The following STEAP3 variants were observed in gnomAD, a reference collection of about 807,000 sequenced individuals.
The protein encoded by STEAP3 is STEAP3 metalloreductase, also known as metalloreductase STEAP3.
In STEAP3, 35 loss-of-function variants were observed where a neutral mutation model predicts 34.9. The ratio of observed to expected loss-of-function variants is 1.00; its 90% CI spans 0.76 to 1.33. The LOEUF is 1.33. STEAP3 is among the 40% of genes most tolerant of loss of function. The pLI, the probability that STEAP3 is intolerant of heterozygous loss-of-function variation, is 0.00. For synonymous variants in STEAP3, 281 were observed against 301.6 expected (o/e 0.93, Z 0.71); for missense variants, 652 against 667.6 (o/e 0.98, Z 0.26).
Position 119,248,272 on chromosome 2 carries a change from C to T in STEAP3, c.1050+66C>T, listed in dbSNP as rs1530524. The T allele has an allele frequency of 2.2e-3, 3,261 of 1,491,964 alleles. 47 individuals carry two copies. In the African/African-American group the frequency reaches 0.034, roughly 16 times the overall value. The allele number at this position is 1,491,964 out of a possible 1,614,324, so 92.4% of individuals were successfully genotyped here. A position where few individuals can be genotyped will look rare whatever the true frequency, so the allele number is the denominator to read the frequency against. ...CATGCTTGTCCAGCACCTCCCCCCC[C>T]CACCAACCAGGTGCAGCCGATACCC... On this transcript the variant is annotated intron_variant, in intron 4 of 5. Coordinates refer to ENST00000393110, the MANE Select transcript of STEAP3 (RefSeq NM_182915.3).
chr2:119,263,438 G>A lies in STEAP3; in HGVS notation c.*100G>A, dbSNP rs140893688. ...GTGGTGCAAAGTGGTATAACTGTGT[G>A]CAAATAGGAGGTTTGAGGTCCAAAT... On this transcript the variant is annotated 3_prime_UTR_variant, in exon 6 of 6. Transcript: ENST00000393110. 27,767 of 1,513,184 alleles carry A rather than the reference G, an allele frequency of 0.018. 325 individuals carry two copies. Among genetic ancestry groups the A allele is most frequent in the Non-Finnish European group, 0.022 (24,736 of 1,122,934 alleles). The allele number at this position is 1,513,184 out of a possible 1,614,324, so 93.7% of individuals were successfully genotyped here. A position where few individuals can be genotyped will look rare whatever the true frequency, so the allele number is the denominator to read the frequency against.
Position 119,230,643 on chromosome 2 carries a change from T to C in STEAP3, c.-370T>C, listed in dbSNP as rs565148360. 2 of 350,122 alleles carry C rather than the reference T, an allele frequency of 5.7e-6. No individual in the cohort carries two copies. The highest frequency in any genetic ancestry group is 4.1e-5 in the African/African-American group (2 of 49,268). 21.7% of individuals were successfully genotyped at this position (350,122 alleles called of 1,614,324 possible). Reference sequence around the variant, plus strand: ...AGATGACATTTATTCATTTTATGCATCCTGGGTTCTACTGGTCGTCCCACC... The same window carrying C: ...AGATGACATTTATTCATTTTATGCACCCTGGGTTCTACTGGTCGTCCCACC... On this transcript the variant is annotated 5_prime_UTR_variant, in exon 2 of 6. Transcript: ENST00000393110.
intron 2 of STEAP3, among the ~76,000 whole-genome samples, chr2:119,240,048 A>C (rs1476100209): frequency 6.6e-6 from 1 of 152,214 alleles, no homozygotes; most frequent in African/African-American, 2.4e-5. Flanking sequence ...ATTGAAAATA[A>C]GTAGCTGGAC....
intron 2 of STEAP3, among the ~76,000 whole-genome samples, chr2:119,243,930 T>C (rs1677327756): frequency 6.6e-6 from 1 of 152,180 alleles, no homozygotes; most frequent in Non-Finnish European, 1.5e-5. Flanking sequence ...CAGACGCCCA[T>C]GGAGGGTGTT....
chr2:119,233,524 C>G (rs1677005525), intron 2 of STEAP3, among the ~76,000 whole-genome samples: 1 of 152,198 alleles, frequency 6.6e-6, no homozygotes, highest in South Asian at 2.1e-4. Context: ...AGCTATGACT[C>G]ACAAATACTC....
At chr2:119,225,000 C>T (rs838112) in intron 1 of STEAP3, among the ~76,000 whole-genome samples, 70,184 of 152,036 alleles carry the variant, frequency 0.46, 16,338 homozygotes, top group Non-Finnish European at 0.5. Context: ...CCAGAGGAAC[C>T]TACCACTGGG....
chr2:119,255,536 A>T (rs910710232), intron 5 of STEAP3, among the ~76,000 whole-genome samples: 9 of 152,190 alleles, frequency 5.9e-5, no homozygotes. Context: ...AACCTTTGTT[A>T]ATCAGACTTA....
At chr2:119,235,521 G>A (rs1187264682) in intron 2 of STEAP3, among the ~76,000 whole-genome samples, 2 of 152,226 alleles carry the variant, frequency 1.3e-5, no homozygotes, top group Non-Finnish European at 2.9e-5. Flanking sequence ...GGTTTTCAAA[G>A]TGTGGTCCCC....
intron 5 of STEAP3, among the ~76,000 whole-genome samples, chr2:119,262,335 T>TACACACAC (rs3054837): frequency 8.0e-5 from 12 of 150,052 alleles, no homozygotes; most frequent in Non-Finnish European, 1.3e-4. Context: ...GTAAAATTTA[T>TACACACAC]ACACACACAC....
rs933428083 is a variant in STEAP3 at position 119,230,844 on chromosome 2, G to C, written c.-169G>C. ...GGCCAAGAGCTGGCGTGCAGGCTGC[G>C]GGAGGCAGCTGGCTGTGCAAGACCC... is the stretch of plus-strand genomic sequence containing the variant. On this transcript the variant is annotated 5_prime_UTR_variant, in exon 2 of 6. Coordinates refer to ENST00000393110, the MANE Select transcript of STEAP3 (RefSeq NM_182915.3). The C allele has an allele frequency of 2.5e-6, 2 of 810,226 alleles. No homozygotes were observed. The highest frequency in any genetic ancestry group is 2.1e-5 in the Admixed American group (1 of 48,640). The allele number at this position is 810,226 out of a possible 1,614,324, so 50.2% of individuals were successfully genotyped here.
chr2:119,263,118 C>T lies in STEAP3; in HGVS notation c.1277C>T (p.Thr426Ile), dbSNP rs561256507. The T allele has an allele frequency of 5.0e-6, 8 of 1,612,950 alleles. No homozygotes were observed. In the African/African-American group the frequency reaches 9.3e-5, roughly 19 times the overall value. The change falls in exon 6 of 6, where the codon ACC becomes ATC. Residue 426 changes from threonine to isoleucine, a missense_variant. Thr to Ile is a moderately conservative substitution (Grantham distance 89). Coordinates refer to ENST00000393110, the MANE Select transcript of STEAP3 (RefSeq NM_182915.3). ...STLHTLTYGWTRAFEESRYKF... is the reference protein window; with the variant it reads ...STLHTLTYGWIRAFEESRYKF... ...CTGCACACGCTCACCTACGGCTGGACCCGCGCCTTCGAGGAGAGCCGCTAC... is the reference window on the plus strand; with the variant it reads ...CTGCACACGCTCACCTACGGCTGGATCCGCGCCTTCGAGGAGAGCCGCTAC...
At position 119,230,897 on chromosome 2, in the gene STEAP3, C is replaced by A. The variant is rs907897032; in HGVS notation, c.-116C>A. 6.9e-7 allele frequency: 1 copy of A among 1,439,698 alleles called. No homozygotes were observed. The highest frequency in any genetic ancestry group is 9.8e-7 in the Non-Finnish European group (1 of 1,025,358). 89.2% of individuals were successfully genotyped at this position (1,439,698 alleles called of 1,614,324 possible). ...GCAGGGCCCTCGCCTCCTGAGAAAC[C>A]GAGAGTCAGAACCAAAGCCAGGCTG... is the stretch of plus-strand genomic sequence containing the variant. On this transcript the variant is annotated 5_prime_UTR_variant, in exon 2 of 6. Transcript: ENST00000393110.
chr2:119,233,588 C>G (rs950488146), intron 2 of STEAP3, among the ~76,000 whole-genome samples: 2 of 152,174 alleles, frequency 1.3e-5, no homozygotes, highest in African/African-American at 4.8e-5. Flanking sequence ...ATCATTCAAA[C>G]CACAAAAATG....
At chr2:119,235,392 C>T (rs1179335021) in intron 2 of STEAP3, among the ~76,000 whole-genome samples, 1 of 152,118 alleles carries the variant, frequency 6.6e-6, no homozygotes, top group Non-Finnish European at 1.5e-5. Context: ...GGGCTGGGAG[C>T]TGGGCCAACT....
chr2:119,262,974 C>A, intron 5 of STEAP3, 83 bp from the exon 6 acceptor site: 1 of 1,556,764 alleles, frequency 6.4e-7, no homozygotes, highest in East Asian at 2.2e-5. Context: ...TTCCCCTCCG[C>A]CAGGCCAGCA....
At chr2:119,228,467 G>A (rs1225754526) in intron 1 of STEAP3, among the ~76,000 whole-genome samples, 1 of 152,232 alleles carries the variant, frequency 6.6e-6, no homozygotes, top group African/African-American at 2.4e-5. Flanking sequence ...CCCAACCTGG[G>A]TGAAAGGCCA....
At chr2:119,262,973 G>A (rs149348257) in intron 5 of STEAP3, 84 bp from the exon 6 acceptor site, 14 of 1,554,948 alleles carry the variant, frequency 9.0e-6, no homozygotes, top group African/African-American at 8.1e-5. Context: ...CTTCCCCTCC[G>A]CCAGGCCAGC....
At chr2:119,227,393 G>A (rs938356271) in intron 1 of STEAP3, among the ~76,000 whole-genome samples, 8 of 152,172 alleles carry the variant, frequency 5.3e-5, no homozygotes, top group Non-Finnish European at 2.9e-5. Context: ...AATGGGCCAG[G>A]CGTTCATTGC....
At chr2:119,236,045 C>A (rs549041413) in intron 2 of STEAP3, among the ~76,000 whole-genome samples, 1 of 152,174 alleles carries the variant, frequency 6.6e-6, no homozygotes, top group African/African-American at 2.4e-5. Context: ...TCTTTTCCTC[C>A]GATTGTCTTG....
Sources: gnomAD v4.1 joint callset for allele counts (sites outside exome capture counted in the v4.1 genomes callset) on GRCh38, gnomAD v4.1.1 for gene constraint, MANE v1.5 for transcripts, NCBI Gene and HGNC (gene_info 2026-07-23, HGNC 2026-07-21) for gene names.